Variants in BCO2 observed in about 807,000 individuals in gnomAD.
BCO2 encodes the protein carotenoid-cleaving dioxygenase, mitochondrial.
A neutral mutation model predicts 65.8 loss-of-function variants in BCO2; 56 were observed. The observed-to-expected ratio is 0.85, with a 90% CI of 0.69 to 1.06. BCO2 has a LOEUF of 1.06. Among genes scored for constraint, BCO2 ranks in the 50% least tolerant of loss-of-function variants. BCO2 has a pLI of 0.00. For synonymous variants in BCO2, 233 were observed against 242.3 expected, an observed-to-expected ratio of 0.96 and a Z score of 0.36; for missense variants, 675 against 698.5, an observed-to-expected ratio of 0.97 and a Z score of 0.38.
chr11:112,181,737 C>T (rs1286898927), intron 2 of BCO2: 5 of 902,838 alleles, frequency 5.5e-6, no homozygotes, highest in Non-Finnish European at 9.3e-6. Context: ...ACTGTGATGC[C>T]AGGGTTTGAA....
intron 2 of BCO2, among the ~76,000 whole-genome samples, chr11:112,189,106 A>C (rs1398732613): frequency 6.6e-6 from 1 of 152,236 alleles, no homozygotes; most frequent in Non-Finnish European, 1.5e-5. Flanking sequence ...GCAGAAAAAA[A>C]TTAATTACAA....
At chr11:112,204,586 C>T (rs1396097728) in intron 8 of BCO2, among the ~76,000 whole-genome samples, 3 of 152,168 alleles carry the variant, frequency 2.0e-5, no homozygotes, top group Non-Finnish European at 4.4e-5. Flanking sequence ...AATGTGAAGA[C>T]AATGAGAATG....
At chr11:112,176,187 A>T (rs1292959262) in intron 1 of BCO2, 1 of 153,902 alleles carries the variant, frequency 6.5e-6, no homozygotes, top group Non-Finnish European at 1.4e-5. Context: ...TATAAATTTT[A>T]AAATTACTTA....
chr11:112,179,422 A>C lies in BCO2; in HGVS notation c.233A>C (p.Lys78Thr). 6.2e-7 allele frequency: 1 copy of C among 1,614,100 alleles called. No individual in the cohort carries two copies. Residue 78 changes from lysine (K) to threonine (T), a missense_variant, in exon 2 of 12, where the codon AAG becomes ACG. Coordinates refer to ENST00000357685, the MANE Select transcript of BCO2 (RefSeq NM_031938.7). ...GCTCGAGTCTGGGGACATTTTCCTA[A>C]GTGGCTCAATGGCTCTCTACTTCGA... The part of the protein sequence containing the change: ...ISARVWGHFP[K>T]WLNGSLLRIG...
At chr11:112,195,140 T>C (rs1253321002) in intron 5 of BCO2, among the ~76,000 whole-genome samples, 1 of 143,088 alleles carries the variant, frequency 7.0e-6, no homozygotes, top group Non-Finnish European at 1.5e-5. Context: ...CTAAACTACA[T>C]TTTTTTTTTT....
At chr11:112,184,310 T>G (rs1223266280) in intron 2 of BCO2, among the ~76,000 whole-genome samples, 1 of 151,578 alleles carries the variant, frequency 6.6e-6, no homozygotes, top group Non-Finnish European at 1.5e-5. Flanking sequence ...TGGAGTGCAG[T>G]GGTGCAACCT....
intron 2 of BCO2, among the ~76,000 whole-genome samples, chr11:112,187,694 T>G (rs952795186): frequency 6.6e-6 from 1 of 152,180 alleles, no homozygotes; most frequent in African/African-American, 2.4e-5. Flanking sequence ...CGCAGCTCTT[T>G]TCCTCTTCTC....
intron 2 of BCO2, among the ~76,000 whole-genome samples, chr11:112,189,345 A>C (rs1867299076): frequency 6.8e-6 from 1 of 147,888 alleles, no homozygotes; most frequent in Non-Finnish European, 1.5e-5. Flanking sequence ...GCCTAGCCAG[A>C]CCTTGTCTCT....
intron 2 of BCO2, among the ~76,000 whole-genome samples, chr11:112,192,761 A>T (rs1245229169): frequency 6.7e-6 from 1 of 148,442 alleles, no homozygotes; most frequent in Non-Finnish European, 1.5e-5. Context: ...CAGCCTCCTA[A>T]ATTGCTGGGA....
intron 1 of BCO2, among the ~76,000 whole-genome samples, chr11:112,176,867 G>C (rs562136406): frequency 1.8e-4 from 28 of 152,286 alleles, no homozygotes; most frequent in African/African-American, 6.7e-4. Context: ...CTAGCAGAAT[G>C]CAGAGAGTAG....
At chr11:112,194,618 C>A in intron 4 of BCO2, 35 bp from the exon 5 acceptor site, 2 of 1,228,832 alleles carry the variant, frequency 1.6e-6, no homozygotes, top group Non-Finnish European at 1.2e-6. Flanking sequence ...TAGAGATCTG[C>A]CCATTAAAAA....
At chr11:112,217,196 A>C (rs1322945815) in intron 11 of BCO2, among the ~76,000 whole-genome samples, 4 of 152,240 alleles carry the variant, frequency 2.6e-5, no homozygotes, top group African/African-American at 9.6e-5. Context: ...GAAACAACTT[A>C]ATTTCTTTGC....
intron 2 of BCO2, chr11:112,183,142 T>C (rs1329495949): frequency 1.5e-5 from 19 of 1,273,352 alleles, no homozygotes; most frequent in Non-Finnish European, 2.0e-5. Flanking sequence ...AAGGGAGCTA[T>C]ATTTGAAGAG....
intron 2 of BCO2, among the ~76,000 whole-genome samples, chr11:112,188,224 A>G (rs1396522513): frequency 6.6e-6 from 1 of 152,230 alleles, no homozygotes; most frequent in Non-Finnish European, 1.5e-5. Context: ...AAGCATCACC[A>G]GCCAGCCAGT....
chr11:112,193,072 G>A (rs1867446288), intron 2 of BCO2, among the ~76,000 whole-genome samples: 1 of 149,946 alleles, frequency 6.7e-6, no homozygotes, highest in Admixed American at 6.7e-5. Flanking sequence ...CCGCCTCCCA[G>A]GTTCACGCCA....
At chr11:112,188,792 C>G (rs1309405506) in intron 2 of BCO2, among the ~76,000 whole-genome samples, 2 of 150,450 alleles carry the variant, frequency 1.3e-5, no homozygotes, top group Non-Finnish European at 2.9e-5. Flanking sequence ...CTTGTAGCAG[C>G]AATCACTTTG....
Position 112,193,510 on chromosome 11 carries a change from C to G in BCO2, c.330C>G (p.His110Gln). ...NHWFDGMALL[H>Q]QFRMAKGTVT... ...GGTTTGATGGGATGGCGCTGCTTCA[C>G]CAGTTCAGAATGGCAAAGGGCACAG... The change falls in exon 3 of 12, where the codon CAC (histidine) becomes CAG (glutamine). Residue 110 changes from histidine (H) to glutamine (Q), a missense_variant. His to Gln is a conservative substitution (Grantham distance 24). Coordinates refer to ENST00000357685, the MANE Select transcript of BCO2 (RefSeq NM_031938.7). 6.2e-7 allele frequency: 1 copy of G among 1,614,138 alleles called. No homozygotes were observed. The highest frequency in any genetic ancestry group is 1.3e-5 in the African/African-American group (1 of 75,016).
At chr11:112,207,015 T>A (rs1859362546) in intron 8 of BCO2, among the ~76,000 whole-genome samples, 1 of 152,252 alleles carries the variant, frequency 6.6e-6, no homozygotes, top group Non-Finnish European at 1.5e-5. Context: ...ATTGATTTTG[T>A]ATATTATCTT....
At chr11:112,216,403 C>T in intron 11 of BCO2, 73 bp downstream of exon 11, 2 of 1,066,498 alleles carry the variant, frequency 1.9e-6, no homozygotes, top group South Asian at 2.6e-5. Flanking sequence ...AGGATGCACA[C>T]TCATCTGTCG....
Sources: allele counts gnomAD v4.1 joint callset (sites outside exome capture counted in the v4.1 genomes callset), GRCh38; gene constraint gnomAD v4.1.1; transcripts MANE v1.5; gene names NCBI Gene and HGNC (gene_info 2026-07-23, HGNC 2026-07-21).